The following KSR2 variants were observed in gnomAD, a reference collection of about 807,000 sequenced individuals.
KSR2 encodes the protein kinase suppressor of ras 2.
Under a neutral mutation model 107.8 loss-of-function variants are expected in KSR2, and 25 were observed. The observed-to-expected ratio is 0.23, with a 90% CI of 0.17 to 0.32. The LOEUF is 0.32. Ranked by LOEUF, KSR2 falls within the 10% of genes least tolerant of loss-of-function variation. The probability of loss-of-function intolerance (pLI) is 1.00; values close to 1 mark genes in which losing one functional copy is unlikely to be tolerated. For synonymous variants in KSR2, 480 were observed against 507.0 expected (o/e 0.95, Z 0.71); for missense variants, 887 against 1,268.9 (o/e 0.70, Z 4.57).
intron 4 of KSR2, among the ~76,000 whole-genome samples, chr12:117,696,945 C>G (rs2136599076): frequency 6.6e-6 from 1 of 152,298 alleles, no homozygotes; most frequent in East Asian, 1.9e-4. Context: ...CACATCACGA[C>G]ACACCCAGAA....
At chr12:117,568,091 A>G (rs192220934) in intron 7 of KSR2, among the ~76,000 whole-genome samples, 1 of 152,318 alleles carries the variant, frequency 6.6e-6, no homozygotes, top group Admixed American at 6.5e-5. Flanking sequence ...CAAGGACATC[A>G]TGAAAAATCA....
At chr12:117,960,070 G>A (rs1417918379) in intron 1 of KSR2, among the ~76,000 whole-genome samples, 2 of 152,076 alleles carry the variant, frequency 1.3e-5, no homozygotes, top group Admixed American at 6.6e-5. Context: ...GACTCCTTGG[G>A]GTTCCAATAA....
chr12:117,879,704 G>A (rs765661022), intron 1 of KSR2, among the ~76,000 whole-genome samples: 5 of 150,940 alleles, frequency 3.3e-5, no homozygotes, highest in African/African-American at 7.3e-5. Flanking sequence ...GCGCCAGAGC[G>A]AGACCTTGTC....
chr12:117,662,016 T>C (rs1884453601), intron 5 of KSR2, among the ~76,000 whole-genome samples: 1 of 152,192 alleles, frequency 6.6e-6, no homozygotes, highest in Non-Finnish European at 1.5e-5. Flanking sequence ...TCAGTACCCA[T>C]TAAAAAGCTG....
chr12:117,530,534 C>G (rs1254803660), intron 12 of KSR2, among the ~76,000 whole-genome samples: 1 of 152,150 alleles, frequency 6.6e-6, no homozygotes, highest in Non-Finnish European at 1.5e-5. Context: ...CTCAATGAGA[C>G]TTTTGAAAGT....
intron 5 of KSR2, among the ~76,000 whole-genome samples, chr12:117,638,040 C>T (rs1034621788): frequency 3.3e-5 from 5 of 152,150 alleles, no homozygotes; most frequent in Non-Finnish European, 5.9e-5. Context: ...CACTCTAACA[C>T]GACATTGACT....
intron 3 of KSR2, among the ~76,000 whole-genome samples, chr12:117,850,932 G>A (rs751470811): frequency 2.0e-5 from 3 of 152,174 alleles, no homozygotes; most frequent in Non-Finnish European, 4.4e-5. Flanking sequence ...CAGTCTAGTG[G>A]AAAAGAGAGG....
At chr12:117,694,787 T>C (rs1045170679) in intron 4 of KSR2, among the ~76,000 whole-genome samples, 3 of 151,404 alleles carry the variant, frequency 2.0e-5, no homozygotes, top group African/African-American at 2.4e-5. Flanking sequence ...GAATAAACCT[T>C]GAAGACATTC....
intron 5 of KSR2, among the ~76,000 whole-genome samples, chr12:117,589,901 C>T (rs1880220523): frequency 1.3e-5 from 2 of 152,228 alleles, no homozygotes; most frequent in African/African-American, 4.8e-5. Flanking sequence ...CAAACATCAT[C>T]ATCTGGGGCC....
intron 5 of KSR2, among the ~76,000 whole-genome samples, chr12:117,601,464 G>A (rs1305360095): frequency 6.6e-6 from 1 of 151,954 alleles, no homozygotes; most frequent in Admixed American, 6.6e-5. Context: ...AGACTTCTCA[G>A]CACAGGGGAA....
At chr12:117,939,673 C>T (rs920317053) in intron 1 of KSR2, among the ~76,000 whole-genome samples, 1 of 151,964 alleles carries the variant, frequency 6.6e-6, no homozygotes, top group Non-Finnish European at 1.5e-5. Context: ...GATAGTGCCA[C>T]TGTACTCCAG....
intron 14 of KSR2, among the ~76,000 whole-genome samples, chr12:117,518,460 G>C (rs1874532183): frequency 6.6e-6 from 1 of 152,218 alleles, no homozygotes; most frequent in Non-Finnish European, 1.5e-5. Context: ...CTGACAGTCA[G>C]GATACCCCAG....
intron 4 of KSR2, among the ~76,000 whole-genome samples, chr12:117,751,304 T>A (rs1888604440): frequency 6.6e-6 from 1 of 152,166 alleles, no homozygotes; most frequent in Admixed American, 6.5e-5. Context: ...CCTCTTTCCT[T>A]TATAAATTAC....
intron 3 of KSR2, among the ~76,000 whole-genome samples, chr12:117,852,798 T>A (rs1892971613): frequency 6.6e-6 from 1 of 152,042 alleles, no homozygotes; most frequent in Non-Finnish European, 1.5e-5. Flanking sequence ...AAATATGGGT[T>A]TTTTGTTGTT....
At chr12:117,903,665 T>C (rs1438813828) in intron 1 of KSR2, among the ~76,000 whole-genome samples, 1 of 152,316 alleles carries the variant, frequency 6.6e-6, no homozygotes, top group Non-Finnish European at 1.5e-5. Flanking sequence ...CATCATCTTA[T>C]CTATTTAAAG....
Position 117,497,968 on chromosome 12 carries a change from T to C in KSR2, c.2220-12277A>G, listed in dbSNP as rs183737308. Among the ~76,000 whole-genome samples the C allele has an allele frequency of 1.6e-4, 25 of 152,308 alleles. No homozygotes were observed. The East Asian group carries it at 4.6e-3, about 28-fold the overall frequency. ...CAGGTTAAATGAGATAAGATGATGGTCTCCGTTGATGGAGTTTTCTCCTGC... is the reference window on the plus strand; with the variant it reads ...CAGGTTAAATGAGATAAGATGATGGCCTCCGTTGATGGAGTTTTCTCCTGC... On this transcript the variant is annotated intron_variant, in intron 14 of 19. Transcript: ENST00000339824.
chr12:117,572,568 C>A (rs1215653788), intron 7 of KSR2, among the ~76,000 whole-genome samples: 1 of 151,992 alleles, frequency 6.6e-6, no homozygotes, highest in Non-Finnish European at 1.5e-5. Context: ...GATGGCTGAA[C>A]TAACCAGAAC....
intron 1 of KSR2, among the ~76,000 whole-genome samples, chr12:117,895,708 A>C (rs898531925): frequency 6.6e-6 from 1 of 152,200 alleles, no homozygotes; most frequent in African/African-American, 2.4e-5. Context: ...TTATCATATG[A>C]CCTAGAAATC....
At chr12:117,813,681 T>C (rs1392008921) in intron 3 of KSR2, among the ~76,000 whole-genome samples, 1 of 152,192 alleles carries the variant, frequency 6.6e-6, no homozygotes, top group Non-Finnish European at 1.5e-5. Flanking sequence ...GGTGCGAATG[T>C]AAACTAGTAC....
Sources: gnomAD v4.1 joint callset for allele counts (sites outside exome capture counted in the v4.1 genomes callset) on GRCh38, gnomAD v4.1.1 for gene constraint, MANE v1.5 for transcripts, NCBI Gene and HGNC (gene_info 2026-07-23, HGNC 2026-07-21) for gene names.